The following LYRM4 variants were observed in gnomAD, a reference collection of about 807,000 sequenced individuals.
LYRM4 encodes LYR motif containing 4.
Under a neutral mutation model 11.7 loss-of-function variants are expected in LYRM4, and 9 were observed. That is an observed-to-expected ratio of 0.77 (90% CI 0.46 to 1.34). The LOEUF (loss-of-function observed/expected upper bound fraction) is 1.34, where lower values mean the gene tolerates loss of function less well. LYRM4 is among the 40% of genes most tolerant of loss of function. LYRM4 has a pLI of 0.00. For missense variants in LYRM4, 133 were observed against 112.5 expected, an observed-to-expected ratio of 1.18 and a Z score of -0.82; for synonymous variants, 42 against 40.4, an observed-to-expected ratio of 1.04 and a Z score of -0.15.
chr6:5,086,096 C>G, the LYRM4 span: 8 of 1,467,000 alleles, frequency 5.5e-6, no homozygotes, highest in Non-Finnish European at 7.2e-6. Context: ...TTCCAGCTCC[C>G]GGGGCCGAGC....
At chr6:5,229,159 GTTTT>G (rs1423932271) in intron 1 of LYRM4, among the ~76,000 whole-genome samples, 2 of 151,940 alleles carry the variant, frequency 1.3e-5, no homozygotes, top group Non-Finnish European at 2.9e-5. Flanking sequence ...AGACAATTTT[GTTTT>G]TTAACGTCGT....
chr6:5,191,660 C>T (rs1234660903), intron 2 of LYRM4, among the ~76,000 whole-genome samples: 1 of 152,116 alleles, frequency 6.6e-6, no homozygotes, highest in East Asian at 1.9e-4. Context: ...ATATTGCAAC[C>T]ACTAATGTAA....
At chr6:5,048,634 A>G in the LYRM4 span, among the ~76,000 whole-genome samples, 2 of 152,192 alleles carry the variant, frequency 1.3e-5, no homozygotes, top group African/African-American at 4.8e-5. Context: ...CAACATGCCC[A>G]GCCCTTGTGT....
intron 2 of LYRM4, among the ~76,000 whole-genome samples, chr6:5,181,911 G>T (rs1760097192): frequency 6.6e-6 from 1 of 152,164 alleles, no homozygotes; most frequent in African/African-American, 2.4e-5. Context: ...CACAATGCTA[G>T]CATCTTAGAC....
At position 5,198,793 on chromosome 6, in the gene LYRM4, C is replaced by G. The variant is rs138797766; in HGVS notation, c.207+17825G>C. On this transcript the variant is annotated intron_variant, in intron 2 of 2. Coordinates refer to ENST00000330636, the MANE Select transcript of LYRM4 (RefSeq NM_020408.6). The stretch of plus-strand genomic sequence containing the variant: ...TGTCTTAACCTTCCTTAAAGGGTAA[C>G]TAGGTCAACGTTAGCCTTCTAATCT... Among the ~76,000 whole-genome samples the G allele has an allele frequency of 9.8e-3, 1,497 of 152,302 alleles. 27 individuals are homozygous for G. The highest frequency in any genetic ancestry group is 0.033 in the African/African-American group (1,358 of 41,570).
intron 2 of LYRM4, among the ~76,000 whole-genome samples, chr6:5,116,190 C>G (rs1240031878): frequency 6.6e-6 from 1 of 152,128 alleles, no homozygotes; most frequent in East Asian, 1.9e-4. Flanking sequence ...AAATACAGAA[C>G]TGATGAAGAC....
At chr6:5,167,926 A>G (rs1039588486) in intron 2 of LYRM4, among the ~76,000 whole-genome samples, 1 of 152,196 alleles carries the variant, frequency 6.6e-6, no homozygotes, top group Non-Finnish European at 1.5e-5. Context: ...AAAGGAAAAA[A>G]AAACTGTTAT....
the LYRM4 span, among the ~76,000 whole-genome samples, chr6:5,056,793 A>G: frequency 6.6e-6 from 1 of 152,158 alleles, no homozygotes; most frequent in African/African-American, 2.4e-5. Flanking sequence ...CACATGGGTT[A>G]TTTTCAAGAA....
chr6:5,049,647 C>A, the LYRM4 span, among the ~76,000 whole-genome samples: 1 of 151,802 alleles, frequency 6.6e-6, no homozygotes, highest in African/African-American at 2.4e-5. Flanking sequence ...TGAATTCCTT[C>A]TCCTGGTTTG....
chr6:5,139,308 C>T (rs1757279629), intron 2 of LYRM4, among the ~76,000 whole-genome samples: 1 of 152,214 alleles, frequency 6.6e-6, no homozygotes, highest in African/African-American at 2.4e-5. Context: ...GTGAGCATAT[C>T]ATATCCAGAA....
At chr6:5,191,979 T>C (rs542201886) in intron 2 of LYRM4, among the ~76,000 whole-genome samples, 186 of 152,218 alleles carry the variant, frequency 1.2e-3, no homozygotes, top group African/African-American at 4.2e-3. Flanking sequence ...CATTCTGGAC[T>C]CAATACATCA....
chr6:5,127,623 G>T (rs574235067), intron 2 of LYRM4, among the ~76,000 whole-genome samples: 1 of 152,282 alleles, frequency 6.6e-6, no homozygotes, highest in Non-Finnish European at 1.5e-5. Context: ...AGAAAAAAAG[G>T]AAAATATGTT....
At chr6:5,150,224 C>T (rs1165379963) in intron 2 of LYRM4, among the ~76,000 whole-genome samples, 2 of 152,260 alleles carry the variant, frequency 1.3e-5, no homozygotes, top group Admixed American at 1.3e-4. Context: ...TAATCAACTA[C>T]ATTCTGGACC....
At chr6:5,155,966 A>G (rs1387362438) in intron 2 of LYRM4, among the ~76,000 whole-genome samples, 1 of 152,258 alleles carries the variant, frequency 6.6e-6, no homozygotes, top group Non-Finnish European at 1.5e-5. Context: ...GGCAGGCTGG[A>G]CAAACCCAAT....
rs1762771153 is a variant in LYRM4 at position 5,109,352 on chromosome 6, C to G, written c.*71G>C. On this transcript the variant is annotated 3_prime_UTR_variant, in exon 3 of 3. Transcript: ENST00000330636. ...GGCTATTGTAAGCTGGTTTTGGGAG[C>G]CCCCATCTCAAACAGAGAGTGGATG... is the stretch of plus-strand genomic sequence containing the variant. 6 of 1,602,820 alleles carry G rather than the reference C, an allele frequency of 3.7e-6. No individual in the cohort carries two copies. In the Middle Eastern group the frequency reaches 5.7e-4, roughly 152 times the overall value.
the LYRM4 span, among the ~76,000 whole-genome samples, chr6:5,048,603 G>T: frequency 6.6e-6 from 1 of 152,188 alleles, no homozygotes; most frequent in South Asian, 2.1e-4. Context: ...CTACCAAAGA[G>T]CTGGGATTAC....
At chr6:5,149,042 TG>T (rs1425583829) in intron 2 of LYRM4, among the ~76,000 whole-genome samples, 1 of 152,216 alleles carries the variant, frequency 6.6e-6, no homozygotes, top group African/African-American at 2.4e-5. Flanking sequence ...TTTTTAGGAT[TG>T]GAAAATGACA....
intron 1 of LYRM4, among the ~76,000 whole-genome samples, chr6:5,217,465 T>A (rs1375299789): frequency 2.6e-5 from 4 of 152,202 alleles, no homozygotes; most frequent in Admixed American, 2.6e-4. Context: ...CAGCTTCTAC[T>A]GTTTGTGTGA....
chr6:5,080,280 G>C, the LYRM4 span, among the ~76,000 whole-genome samples: 1 of 152,170 alleles, frequency 6.6e-6, no homozygotes, highest in Non-Finnish European at 1.5e-5. Context: ...TACATGCCTT[G>C]TTGCCACATA....
Sources: allele counts gnomAD v4.1 joint callset (sites outside exome capture counted in the v4.1 genomes callset), GRCh38; gene constraint gnomAD v4.1.1; transcripts MANE v1.5; gene names NCBI Gene and HGNC (gene_info 2026-07-23, HGNC 2026-07-21).